Variants in SPMIP7 observed in about 807,000 individuals in gnomAD.
SPMIP7 encodes the protein protein SPMIP7.
chr7:50,144,896 A>T, the SPMIP7 span, among the ~76,000 whole-genome samples: 7 of 151,928 alleles, frequency 4.6e-5, no homozygotes, highest in South Asian at 2.1e-4. Context: ...GAATTTTTTT[A>T]AAATGATGCA....
At chr7:50,110,612 T>G in the SPMIP7 span, among the ~76,000 whole-genome samples, 1 of 140,192 alleles carries the variant, frequency 7.1e-6, no homozygotes, top group East Asian at 2.0e-4. Context: ...TACTAATATT[T>G]ATGTATAATA....
At chr7:50,140,749 C>A in the SPMIP7 span, among the ~76,000 whole-genome samples, 1 of 152,214 alleles carries the variant, frequency 6.6e-6, no homozygotes, top group African/African-American at 2.4e-5. Context: ...TCTCATTACT[C>A]GGCCTCTTCA....
the SPMIP7 span, among the ~76,000 whole-genome samples, chr7:50,149,269 A>G: frequency 7.3e-6 from 1 of 137,898 alleles, no homozygotes; most frequent in Non-Finnish European, 1.7e-5. Context: ...TGTACTGGAT[A>G]AACTTTGCAA....
the SPMIP7 span, chr7:50,134,005 C>T: frequency 6.4e-4 from 681 of 1,061,402 alleles, 3 homozygotes; most frequent in African/African-American, 9.5e-3. Flanking sequence ...GGCAGGGATC[C>T]TCAGGGTCAT....
chr7:50,133,627 A>G, the SPMIP7 span, among the ~76,000 whole-genome samples: 1 of 152,126 alleles, frequency 6.6e-6, no homozygotes, highest in Non-Finnish European at 1.5e-5. Flanking sequence ...TTTACTGTTT[A>G]GGGTTCCCTA....
chr7:50,129,868 C>G, the SPMIP7 span: 22 of 880,526 alleles, frequency 2.5e-5, no homozygotes, highest in Non-Finnish European at 3.8e-5. Flanking sequence ...CTCTTTATGT[C>G]TATAATATCC....
At chr7:50,104,591 A>G in the SPMIP7 span, among the ~76,000 whole-genome samples, 10 of 152,208 alleles carry the variant, frequency 6.6e-5, no homozygotes, top group Non-Finnish European at 1.3e-4. Context: ...ATCAATGTCT[A>G]TTATGCATTA....
chr7:50,140,053 T>C, the SPMIP7 span: 1 of 913,620 alleles, frequency 1.1e-6, no homozygotes, highest in Non-Finnish European at 1.6e-6. Context: ...GTGAAGGCTT[T>C]TGTCTTAATT....
the SPMIP7 span, among the ~76,000 whole-genome samples, chr7:50,111,535 G>T: frequency 6.6e-6 from 1 of 152,136 alleles, no homozygotes; most frequent in African/African-American, 2.4e-5. Flanking sequence ...CCTCCATGTT[G>T]AATATACCTG....
the SPMIP7 span, among the ~76,000 whole-genome samples, chr7:50,158,844 C>T: frequency 3.9e-5 from 6 of 152,140 alleles, no homozygotes; most frequent in Non-Finnish European, 8.8e-5. Context: ...CCATCCCTAG[C>T]ACCCACCATA....
the SPMIP7 span, among the ~76,000 whole-genome samples, chr7:50,122,582 A>C: frequency 2.0e-4 from 30 of 150,796 alleles, no homozygotes; most frequent in Admixed American, 4.0e-4. Flanking sequence ...TAATTAAACT[A>C]AAGAGCTTCT....
chr7:50,149,495 A>C, the SPMIP7 span, among the ~76,000 whole-genome samples: 1 of 152,146 alleles, frequency 6.6e-6, no homozygotes, highest in Admixed American at 6.5e-5. Flanking sequence ...AGCTTTCTTC[A>C]CTGGAGTAAA....
the SPMIP7 span, among the ~76,000 whole-genome samples, chr7:50,153,294 C>T: frequency 6.6e-6 from 1 of 152,170 alleles, no homozygotes. Flanking sequence ...CTCTGATCAG[C>T]TTCTTAAAAC....
chr7:50,144,276 CT>C, the SPMIP7 span, among the ~76,000 whole-genome samples: 2 of 152,068 alleles, frequency 1.3e-5, no homozygotes, highest in East Asian at 1.9e-4. Context: ...AGTAAAATAT[CT>C]CTTTCATTTT....
At chr7:50,125,209 T>TATATACACATATATACAC in the SPMIP7 span, among the ~76,000 whole-genome samples, 13 of 29,150 alleles carry the variant, frequency 4.5e-4, 5 homozygotes, top group African/African-American at 1.5e-3. Context: ...TATATACACA[T>TATATACACATATATACAC]ATATATACAC....
the SPMIP7 span, among the ~76,000 whole-genome samples, chr7:50,106,913 C>T: frequency 6.6e-6 from 1 of 151,902 alleles, no homozygotes; most frequent in Non-Finnish European, 1.5e-5. Context: ...CCAGTCTGGC[C>T]AACATAGCAA....
At chr7:50,117,655 A>AGTT in the SPMIP7 span, among the ~76,000 whole-genome samples, 1 of 152,196 alleles carries the variant, frequency 6.6e-6, no homozygotes, top group African/African-American at 2.4e-5. Flanking sequence ...GATAATCCTG[A>AGTT]GTTGATACTT....
the SPMIP7 span, among the ~76,000 whole-genome samples, chr7:50,110,090 TC>T: frequency 6.6e-6 from 1 of 152,192 alleles, no homozygotes; most frequent in East Asian, 1.9e-4. Flanking sequence ...ATTTTGTAAT[TC>T]CATATCTGAA....
the SPMIP7 span, among the ~76,000 whole-genome samples, chr7:50,099,724 G>T: frequency 1.2e-4 from 19 of 152,254 alleles, no homozygotes; most frequent in African/African-American, 3.6e-4. Flanking sequence ...ACTAGACTGT[G>T]CCAGATTCAT....
Sources: allele counts gnomAD v4.1 joint callset (sites outside exome capture counted in the v4.1 genomes callset), GRCh38; gene constraint gnomAD v4.1.1; transcripts MANE v1.5; gene names NCBI Gene and HGNC (gene_info 2026-07-23, HGNC 2026-07-21).